The following ESRP1 variants were observed in gnomAD, a reference collection of about 807,000 sequenced individuals.
ESRP1 encodes epithelial splicing regulatory protein 1.
Under a neutral mutation model 81.7 loss-of-function variants are expected in ESRP1, and 33 were observed. The ratio of observed to expected loss-of-function variants is 0.40; its 90% CI spans 0.31 to 0.54. The LOEUF is 0.54. ESRP1 is among the 20% of genes least tolerant of loss of function. ESRP1 has a pLI of 0.41. For synonymous variants in ESRP1, 320 were observed against 303.3 expected, an observed-to-expected ratio of 1.06 and a Z score of -0.57; for missense variants, 672 against 833.1, an observed-to-expected ratio of 0.81 and a Z score of 2.38.
chr8:94,659,428 C>T (rs565830494), intron 4 of ESRP1, among the ~76,000 whole-genome samples: 86 of 152,236 alleles, frequency 5.6e-4, no homozygotes, highest in African/African-American at 1.9e-3. Flanking sequence ...TGTGTGTGTT[C>T]GGCTGCTCCA....
At chr8:94,658,323 A>T (rs1410130468) in intron 4 of ESRP1, among the ~76,000 whole-genome samples, 1 of 152,198 alleles carries the variant, frequency 6.6e-6, no homozygotes, top group African/African-American at 2.4e-5. Context: ...GTGTCCAGTA[A>T]ATGCCACCAT....
At chr8:94,653,777 T>C (rs1175750647) in intron 4 of ESRP1, among the ~76,000 whole-genome samples, 1 of 150,816 alleles carries the variant, frequency 6.6e-6, no homozygotes, top group Non-Finnish European at 1.5e-5. Context: ...CGAATCCTCA[T>C]TGGTACTTTT....
chr8:94,694,038 TC>T (rs746752402), intron 14 of ESRP1, among the ~76,000 whole-genome samples: 2 of 152,226 alleles, frequency 1.3e-5, no homozygotes, highest in Admixed American at 6.5e-5. Context: ...TTTTTAAACT[TC>T]CTATCTGATT....
At chr8:94,697,038 AC>A in intron 15 of ESRP1, 77 bp downstream of exon 15, 7 of 933,058 alleles carry the variant, frequency 7.5e-6, no homozygotes, top group Non-Finnish European at 1.1e-5. Flanking sequence ...TTAGAAATCA[AC>A]TGAGAGAATC....
intron 14 of ESRP1, among the ~76,000 whole-genome samples, chr8:94,695,033 C>A (rs748410171): frequency 6.6e-6 from 1 of 152,194 alleles, no homozygotes; most frequent in Non-Finnish European, 1.5e-5. Flanking sequence ...ATCATTCTTA[C>A]ATAAAACGTG....
intron 15 of ESRP1, among the ~76,000 whole-genome samples, chr8:94,699,799 C>G (rs1809747008): frequency 6.6e-6 from 1 of 152,140 alleles, no homozygotes; most frequent in Non-Finnish European, 1.5e-5. Flanking sequence ...CACTAATAAT[C>G]TCACCACCCA....
chr8:94,690,522 C>T (rs1341364429), intron 13 of ESRP1, among the ~76,000 whole-genome samples: 1 of 151,986 alleles, frequency 6.6e-6, no homozygotes, highest in Non-Finnish European at 1.5e-5. Context: ...TCCTTGTATA[C>T]AGCAGGTAAT....
chr8:94,670,234 A>C (rs1277823860), intron 10 of ESRP1, among the ~76,000 whole-genome samples: 1 of 152,172 alleles, frequency 6.6e-6, no homozygotes, highest in East Asian at 1.9e-4. Flanking sequence ...CTTCATTACT[A>C]GTCATTTTAT....
chr8:94,642,121 G>A, intron 2 of ESRP1, 37 bp downstream of exon 2: 1 of 1,600,616 alleles, frequency 6.2e-7, no homozygotes, highest in South Asian at 1.1e-5. Context: ...CCCCAGCCTG[G>A]GCCCAACCCC....
intron 4 of ESRP1, among the ~76,000 whole-genome samples, chr8:94,660,746 AAAAC>A (rs146754323): frequency 2.1e-3 from 286 of 136,872 alleles, no homozygotes; most frequent in African/African-American, 6.9e-3. Flanking sequence ...AAAAAAAACC[AAAAC>A]AAACAAACAA....
At chr8:94,654,157 A>G (rs1464820887) in intron 4 of ESRP1, among the ~76,000 whole-genome samples, 1 of 78,932 alleles carries the variant, frequency 1.3e-5, no homozygotes, top group Non-Finnish European at 2.6e-5. Flanking sequence ...CGTCTCTACT[A>G]AAAATACAAA....
intron 13 of ESRP1, among the ~76,000 whole-genome samples, chr8:94,687,369 A>G (rs1340161011): frequency 1.6e-4 from 24 of 152,178 alleles, no homozygotes; most frequent in Admixed American, 1.5e-3. Context: ...CTTTTTGGCT[A>G]TTAAGAATAA....
intron 14 of ESRP1, among the ~76,000 whole-genome samples, chr8:94,695,553 ACCATGCTGG>A (rs1809571687): frequency 6.6e-6 from 1 of 150,626 alleles, no homozygotes; most frequent in Admixed American, 6.6e-5. Flanking sequence ...ATGGGGTTTT[ACCATGCTGG>A]CCAGGCTGGC....
At chr8:94,661,261 C>T (rs1228120081) in intron 4 of ESRP1, among the ~76,000 whole-genome samples, 4 of 152,052 alleles carry the variant, frequency 2.6e-5, no homozygotes, top group Non-Finnish European at 5.9e-5. Context: ...GGCTTGGTCT[C>T]GAACTCCTGG....
chr8:94,646,332 A>AC lies in ESRP1; in HGVS notation c.490+50_490+51insC. On this transcript the variant is annotated intron_variant, in intron 4 of 15. Transcript: ENST00000433389. ...AATCATTTGAAAAGATAGTTCCAGA[A>AC]AAGGTAATTCAAGAAACTTTCAAAC... is the stretch of plus-strand genomic sequence containing the variant. 3 of 1,219,858 alleles carry AC rather than the reference A, an allele frequency of 2.5e-6. No homozygotes were observed. The South Asian group carries it at 4.4e-5, about 18-fold the overall frequency. The allele number at this position is 1,219,858 out of a possible 1,614,324, so 75.6% of individuals were successfully genotyped here.
Position 94,692,835 on chromosome 8 carries a change from G to C in ESRP1, c.1971+8G>C, listed in dbSNP as rs753406841. On this transcript the variant is annotated splice_region_variant and intron_variant, in intron 14 of 15. Coordinates refer to ENST00000433389, the MANE Select transcript of ESRP1 (RefSeq NM_017697.4). The stretch of plus-strand genomic sequence containing the variant: ...TTCTTCCAAGGTTACCAGGTCAGTA[G>C]CTTGAAGGAGAATAATCCTCAGTGC... The C allele has an allele frequency of 7.4e-6, 12 of 1,611,346 alleles. No individual in the cohort carries two copies. Among genetic ancestry groups the C allele is most frequent in the Admixed American group, 6.7e-5 (4 of 59,664 alleles).
chr8:94,703,519 C>T (rs1338032630), intron 15 of ESRP1, among the ~76,000 whole-genome samples: 1 of 152,180 alleles, frequency 6.6e-6, no homozygotes, highest in Non-Finnish European at 1.5e-5. Flanking sequence ...AAACGTTTAA[C>T]TTTAACTTTT....
At chr8:94,692,860 C>T (rs1161913239) in intron 14 of ESRP1, 33 bp downstream of exon 14, 1 of 1,594,966 alleles carries the variant, frequency 6.3e-7, no homozygotes, top group Non-Finnish European at 8.6e-7. Flanking sequence ...ATCCTCAGTG[C>T]CCTTATTACT....
intron 3 of ESRP1, among the ~76,000 whole-genome samples, chr8:94,644,084 A>G (rs1817735260): frequency 2.0e-5 from 3 of 152,190 alleles, no homozygotes; most frequent in South Asian, 4.1e-4. Flanking sequence ...TTTTTCTGAC[A>G]GAGAGAGGAT....
Sources: allele counts gnomAD v4.1 joint callset (sites outside exome capture counted in the v4.1 genomes callset), GRCh38; gene constraint gnomAD v4.1.1; transcripts MANE v1.5; gene names NCBI Gene and HGNC (gene_info 2026-07-23, HGNC 2026-07-21).